GAS7: variants seen among roughly 807,000 people sequenced by gnomAD.
The protein encoded by GAS7 is growth arrest specific 7.
In GAS7, 28 loss-of-function variants were observed where a neutral mutation model predicts 71.1. The observed-to-expected ratio is 0.39, with a 90% confidence interval of 0.29 to 0.54. The LOEUF (loss-of-function observed/expected upper bound fraction) is 0.54, where lower values mean the gene tolerates loss of function less well. GAS7 is among the 20% of genes least tolerant of loss of function. The pLI is 0.62. For synonymous variants in GAS7, 258 were observed against 245.8 expected (o/e 1.05, Z -0.46); for missense variants, 436 against 627.8 (o/e 0.69, Z 3.27).
chr17:10,049,081 C>T (rs953723643), intron 1 of GAS7, among the ~76,000 whole-genome samples: 1 of 152,152 alleles, frequency 6.6e-6, no homozygotes, highest in Non-Finnish European at 1.5e-5. Context: ...TCTGTCCAGG[C>T]GCATACCAAC....
At chr17:10,145,064 T>C (rs956145627) in intron 1 of GAS7, among the ~76,000 whole-genome samples, 2 of 152,186 alleles carry the variant, frequency 1.3e-5, no homozygotes, top group African/African-American at 4.8e-5. Context: ...TGGGCCATGG[T>C]GCAGGAATGG....
chr17:10,098,336 C>T (rs1221389449), intron 1 of GAS7, among the ~76,000 whole-genome samples: 2 of 152,204 alleles, frequency 1.3e-5, no homozygotes, highest in African/African-American at 4.8e-5. Context: ...CACAACTCTC[C>T]ACTCACCCCA....
intron 11 of GAS7, among the ~76,000 whole-genome samples, chr17:9,921,084 T>A (rs1009834508): frequency 6.6e-6 from 1 of 152,034 alleles, no homozygotes; most frequent in Non-Finnish European, 1.5e-5. Flanking sequence ...GGCCAATGAC[T>A]GGACCCTTGA....
intron 2 of GAS7, among the ~76,000 whole-genome samples, chr17:10,017,621 G>T (rs1207464739): frequency 6.6e-6 from 1 of 152,164 alleles, no homozygotes; most frequent in Non-Finnish European, 1.5e-5. Context: ...GAGCCACCAT[G>T]CCTGGCCAGA....
Position 10,103,658 on chromosome 17 carries a change from T to C in GAS7, c.184-83761A>G, listed in dbSNP as rs1380623013. Reference sequence around the variant, plus strand: ...CTGGCCAACATGGAGAAACCCCGTCTCTACCAAAAATACAAAAATTAGCTG... The same window carrying C: ...CTGGCCAACATGGAGAAACCCCGTCCCTACCAAAAATACAAAAATTAGCTG... On this transcript the variant is annotated intron_variant, in intron 1 of 13. Transcript: ENST00000432992. This position sits in a 1 kb window ranked among gnomAD's most constrained non-coding sequence, Gnocchi z 5.5. Among the ~76,000 whole-genome samples the C allele has an allele frequency of 3.3e-5, 5 of 151,946 alleles. No individual in the cohort carries two copies. The East Asian group carries it at 9.7e-4, about 29-fold the overall frequency.
intron 8 of GAS7, among the ~76,000 whole-genome samples, chr17:9,939,604 G>A (rs993178758): frequency 9.9e-5 from 15 of 151,062 alleles, no homozygotes; most frequent in African/African-American, 3.7e-4. Flanking sequence ...AGAAGACAAT[G>A]TGGAAGTGCC....
At chr17:9,946,835 TG>T in intron 6 of GAS7, 58 bp downstream of exon 6, 1 of 1,073,058 alleles carries the variant, frequency 9.3e-7, no homozygotes, top group Non-Finnish European at 1.4e-6. Flanking sequence ...CTACCCATCC[TG>T]GGTGTCCACT....
intron 1 of GAS7, among the ~76,000 whole-genome samples, chr17:10,072,264 C>T (rs1048368737): frequency 1.3e-5 from 2 of 152,164 alleles, no homozygotes; most frequent in African/African-American, 4.8e-5. Flanking sequence ...CTATCTGCCC[C>T]GATACCTGGT....
intron 1 of GAS7, among the ~76,000 whole-genome samples, chr17:10,189,786 A>G (rs1019612217): frequency 1.3e-5 from 2 of 152,228 alleles, no homozygotes; most frequent in Non-Finnish European, 2.9e-5. Context: ...TAAAAATACA[A>G]AAATTAGCCG....
intron 1 of GAS7, among the ~76,000 whole-genome samples, chr17:10,177,196 G>A (rs1308791164): frequency 6.6e-6 from 1 of 152,144 alleles, no homozygotes; most frequent in Admixed American, 6.5e-5. Flanking sequence ...CAGAGGAAGG[G>A]GTCCATGGGC....
intron 1 of GAS7, among the ~76,000 whole-genome samples, chr17:10,151,481 G>A (rs1024370): frequency 0.72 from 109,034 of 152,026 alleles, 39,517 homozygotes; most frequent in African/African-American, 0.82. Context: ...ATTATTCTAC[G>A]TCATTTAATG....
At position 9,969,306 on chromosome 17, in the gene GAS7, C is replaced by T. The variant is rs2069855567; in HGVS notation, c.471+371G>A. Among the ~76,000 whole-genome samples, 2 of 152,076 alleles carry T rather than the reference C, an allele frequency of 1.3e-5. No homozygotes were observed. The highest frequency in any genetic ancestry group is 6.5e-5 in the Admixed American group (1 of 15,272). On this transcript the variant is annotated intron_variant, in intron 4 of 13. Coordinates refer to ENST00000432992, the MANE Select transcript of GAS7 (RefSeq NM_201433.2). This position sits in a 1 kb window ranked among gnomAD's most constrained non-coding sequence, Gnocchi z 5.5. ...TAAATTCCATTCTGGGTAATCTGTC[C>T]GTGGGAGGGGTAGGGTAGAGAAAAG...
At chr17:10,166,608 T>G (rs1188849962) in intron 1 of GAS7, among the ~76,000 whole-genome samples, 1 of 152,272 alleles carries the variant, frequency 6.6e-6, no homozygotes, top group Non-Finnish European at 1.5e-5. Context: ...CTTTCTTTTA[T>G]GTGCACACAC....
chr17:10,059,080 T>C (rs1209192099), intron 1 of GAS7, among the ~76,000 whole-genome samples: 3 of 152,194 alleles, frequency 2.0e-5, no homozygotes, highest in Non-Finnish European at 2.9e-5. Flanking sequence ...CGCACAAACG[T>C]GGCATGCATG....
In GAS7 at chr17:9,951,547, G is replaced by C. The variant is rs572432671; in HGVS notation, c.526-4564C>G. On this transcript the variant is annotated intron_variant, in intron 5 of 13. Transcript: ENST00000432992. The stretch of plus-strand genomic sequence containing the variant: ...CGAGATGGGTGGATCACCTGAGGTC[G>C]GGAGTTGGAGACCAGCCTGACCCAC... Among the ~76,000 whole-genome samples the C allele has an allele frequency of 3.9e-5, 6 of 152,120 alleles. No homozygotes were observed. The South Asian group carries it at 1.2e-3, about 32-fold the overall frequency.
intron 1 of GAS7, among the ~76,000 whole-genome samples, chr17:10,185,669 A>C (rs1290269643): frequency 6.6e-6 from 1 of 152,228 alleles, no homozygotes; most frequent in Non-Finnish European, 1.5e-5. Flanking sequence ...ACTACTTGAC[A>C]TATGAAGTGG....
chr17:10,008,280 TAGA>T (rs2071619066), intron 2 of GAS7, among the ~76,000 whole-genome samples: 1 of 152,242 alleles, frequency 6.6e-6, no homozygotes, highest in Non-Finnish European at 1.5e-5. Context: ...CTGAATATTC[TAGA>T]AGATTTCTGG....
intron 1 of GAS7, among the ~76,000 whole-genome samples, chr17:10,070,338 C>CT (rs2073326687): frequency 8.0e-6 from 1 of 125,102 alleles, no homozygotes; most frequent in Non-Finnish European, 1.7e-5. Context: ...CGTTCTCTCT[C>CT]TTCTTTTTTT....
At chr17:9,927,576 A>C (rs1280906017) in intron 9 of GAS7, among the ~76,000 whole-genome samples, 1 of 152,098 alleles carries the variant, frequency 6.6e-6, no homozygotes, top group Non-Finnish European at 1.5e-5. Flanking sequence ...CTTTGTTCTT[A>C]TGTCTCTCTC....
Sources: gnomAD v4.1 joint callset for allele counts (sites outside exome capture counted in the v4.1 genomes callset) on GRCh38, gnomAD v4.1.1 for gene constraint, Gnocchi (gnomAD v3.1) non-coding constraint, MANE v1.5 for transcripts, NCBI Gene and HGNC (gene_info 2026-07-23, HGNC 2026-07-21) for gene names.